The following CIDEA variants were observed in gnomAD, a reference collection of about 807,000 sequenced individuals.
The protein encoded by CIDEA is cell death inducing DFFA like effector a.
In CIDEA, 10 loss-of-function variants were observed where a neutral mutation model predicts 18.2. That is an observed-to-expected ratio of 0.55 (90% confidence interval 0.34 to 0.93). CIDEA has a LOEUF of 0.93. Ranked by LOEUF, CIDEA falls within the 40% of genes least tolerant of loss-of-function variation. CIDEA has a pLI of 0.02. For missense variants in CIDEA, 309 were observed against 293.1 expected, an observed-to-expected ratio of 1.05 and a Z score of -0.40; for synonymous variants, 128 against 124.8, an observed-to-expected ratio of 1.03 and a Z score of -0.17.
chr18:12,256,548 C>G (rs1450931133), intron 1 of CIDEA, among the ~76,000 whole-genome samples: 2 of 152,234 alleles, frequency 1.3e-5, no homozygotes, highest in Admixed American at 6.5e-5. Context: ...CAGACAAAGT[C>G]TGCTCTGTTC....
chr18:12,274,118 C>T lies in CIDEA; in HGVS notation c.356C>T (p.Ser119Leu), dbSNP rs1278609663. The change falls in exon 4 of 5, where the codon TCG becomes TTG. Residue 119 changes from serine (S) to leucine (L), a missense_variant. By Grantham distance (145) the Ser-to-Leu change is moderately radical. Coordinates refer to ENST00000320477, the MANE Select transcript of CIDEA (RefSeq NM_001279.4). ...MPGSQHVPTCSPPKRSGIARV... is the reference protein window; with the variant it reads ...MPGSQHVPTCLPPKRSGIARV... ...GGCAGCCAGCACGTCCCCACTTGCT[C>T]GCCGCCGAAGAGGTCGGGAATAGCG... 5 of 1,614,064 alleles carry T rather than the reference C, an allele frequency of 3.1e-6. No homozygotes were observed. Among genetic ancestry groups the T allele is most frequent in the African/African-American group, 2.7e-5 (2 of 74,926 alleles).
At chr18:12,268,071 T>C (rs1464163150) in intron 3 of CIDEA, among the ~76,000 whole-genome samples, 1 of 152,042 alleles carries the variant, frequency 6.6e-6, no homozygotes, top group Non-Finnish European at 1.5e-5. Context: ...TTTGTTTGTT[T>C]GCTTGTTTTT....
Position 12,266,481 on chromosome 18 carries a change from A to G in CIDEA, c.330+2028A>G, listed in dbSNP as rs1177257508. Among the ~76,000 whole-genome samples, 3 of 152,172 alleles carry G rather than the reference A, an allele frequency of 2.0e-5. No individual in the cohort carries two copies. In the South Asian group the frequency reaches 6.2e-4, roughly 32 times the overall value. On this transcript the variant is annotated intron_variant, in intron 3 of 4. Coordinates refer to ENST00000320477, the MANE Select transcript of CIDEA (RefSeq NM_001279.4). ...AAAAATAAAAATACATTAAAAAGGA[A>G]CAAGAGCTAATAAGAACTGACTATA...
intron 3 of CIDEA, among the ~76,000 whole-genome samples, chr18:12,265,333 A>G (rs1301972541): frequency 1.3e-5 from 2 of 152,284 alleles, no homozygotes; most frequent in Non-Finnish European, 2.9e-5. Context: ...TGTTGAGGCC[A>G]GCATCCAGAG....
chr18:12,254,940 C>A, intron 1 of CIDEA: 1 of 1,225,662 alleles, frequency 8.2e-7, no homozygotes, highest in Non-Finnish European at 1.0e-6. Flanking sequence ...CCCCAACCGT[C>A]CGGCGGAGCC....
At chr18:12,268,423 G>T (rs1912421180) in intron 3 of CIDEA, among the ~76,000 whole-genome samples, 1 of 145,852 alleles carries the variant, frequency 6.9e-6, no homozygotes, top group African/African-American at 2.6e-5. Context: ...TTTGGAGACA[G>T]TCTTGCTCTG....
At chr18:12,271,726 C>T (rs543554143) in intron 3 of CIDEA, among the ~76,000 whole-genome samples, 48 of 152,294 alleles carry the variant, frequency 3.2e-4, no homozygotes, top group South Asian at 6.2e-4. Context: ...GCCCCCGTTT[C>T]GGCTGCGCAA....
chr18:12,277,212 A>C lies in CIDEA; in HGVS notation c.602A>C (p.Asp201Ala), dbSNP rs547332400. ...ACATACATGCTCCGGGTGCTGGATG[A>C]CAAGGAAGAGCGGCCATCCCTCCGG... Reference protein sequence around the residue: ...LGTYMLRVLDDKEERPSLRSQ... With the variant: ...LGTYMLRVLDAKEERPSLRSQ... The change falls in exon 5 of 5, where the codon GAC becomes GCC. Residue 201 changes from aspartate to alanine, a missense_variant. By Grantham distance (126) the Asp-to-Ala change is moderately radical. Transcript: ENST00000320477. 3.7e-6 allele frequency: 6 copies of C among 1,614,178 alleles called. No homozygotes were observed. In the African/African-American group the frequency reaches 8.0e-5, roughly 22 times the overall value.
chr18:12,267,728 C>G (rs970844461), intron 3 of CIDEA, among the ~76,000 whole-genome samples: 1 of 152,138 alleles, frequency 6.6e-6, no homozygotes, highest in Non-Finnish European at 1.5e-5. Context: ...CTTCTGACCT[C>G]AAGTGATCCA....
chr18:12,271,873 C>T (rs1912543845), intron 3 of CIDEA, among the ~76,000 whole-genome samples: 1 of 152,168 alleles, frequency 6.6e-6, no homozygotes, highest in African/African-American at 2.4e-5. Context: ...GAGCGCGGCC[C>T]CGCAGCCCCC....
At chr18:12,272,154 G>T (rs1403141044) in intron 3 of CIDEA, among the ~76,000 whole-genome samples, 3 of 14,316 alleles carry the variant, frequency 2.1e-4, no homozygotes, top group Non-Finnish European at 1.1e-3. Flanking sequence ...GTGTGTGGGG[G>T]GGGGGGGTTG....
intron 1 of CIDEA, chr18:12,254,772 G>C (rs1417608586): frequency 3.6e-6 from 5 of 1,381,348 alleles, no homozygotes; most frequent in Non-Finnish European, 3.8e-6. Context: ...AGTCGCGGGC[G>C]CAGAAGAGGG....
Position 12,274,201 on chromosome 18 carries a change from G to A in CIDEA, c.439G>A (p.Val147Met), listed in dbSNP as rs115661000. 7.8e-4 allele frequency: 1,266 copies of A among 1,614,198 alleles called. 2 individuals carry two copies. The highest frequency in any genetic ancestry group is 9.7e-4 in the Non-Finnish European group (1,149 of 1,180,040). The change falls in exon 4 of 5, where the codon GTG becomes ATG. Residue 147 changes from valine (V) to methionine (M), a missense_variant. By Grantham distance (21) the Val-to-Met change is conservative (BLOSUM62 1). Transcript: ENST00000320477. The stretch of plus-strand genomic sequence containing the variant: ...CAAGGACTTCATCGGCTGCCTTAAC[G>A]TGAAGGCCACCATGTATGAGATGTA... ...NPKDFIGCLN[V>M]KATMYEMYSV...
intron 1 of CIDEA, among the ~76,000 whole-genome samples, chr18:12,262,403 T>G (rs4796955): frequency 0.37 from 55,826 of 152,040 alleles, 12,219 homozygotes; most frequent in East Asian, 0.62. Context: ...CCTTATTGTG[T>G]AAACATGTAG....
At chr18:12,259,164 G>T (rs1293542073) in intron 1 of CIDEA, among the ~76,000 whole-genome samples, 2 of 152,218 alleles carry the variant, frequency 1.3e-5, no homozygotes, top group Admixed American at 6.5e-5. Context: ...GCAAACGTGT[G>T]CGGGTCATTC....
chr18:12,262,454 C>A (rs771138900), intron 1 of CIDEA, among the ~76,000 whole-genome samples: 1 of 152,192 alleles, frequency 6.6e-6, no homozygotes. Context: ...TCTAACTCTG[C>A]GTAACTACTT....
intron 1 of CIDEA, 171 bp downstream of exon 1, chr18:12,254,592 T>G (rs1398554805): frequency 1.1e-5 from 8 of 746,908 alleles, no homozygotes; most frequent in Non-Finnish European, 1.6e-5. Flanking sequence ...GCCCCACTGG[T>G]GCCCAAGCCG....
chr18:12,268,617 G>A (rs1011197512), intron 3 of CIDEA, among the ~76,000 whole-genome samples: 2 of 151,848 alleles, frequency 1.3e-5, no homozygotes, highest in Non-Finnish European at 2.9e-5. Flanking sequence ...TCAAACTCCT[G>A]GTTTCAAGCT....
chr18:12,277,234 C>CTT lies in CIDEA; in HGVS notation c.624_625insTT (p.Arg209PhefsTer35). On this transcript the variant is annotated frameshift_variant, in exon 5 of 5. Coordinates refer to ENST00000320477, the MANE Select transcript of CIDEA (RefSeq NM_001279.4). LOFTEE classifies it low-confidence loss of function (END_TRUNC). The stretch of plus-strand genomic sequence containing the variant: ...ATGACAAGGAAGAGCGGCCATCCCT[C>CTT]CGGTCACAAGCCAAGGGCAGGTTCA... 2 of 1,614,150 alleles carry CTT rather than the reference C, an allele frequency of 1.2e-6. No individual in the cohort carries two copies. The highest frequency in any genetic ancestry group is 1.7e-6 in the Non-Finnish European group (2 of 1,180,018).
Sources: gnomAD v4.1 joint callset for allele counts (sites outside exome capture counted in the v4.1 genomes callset) on GRCh38, gnomAD v4.1.1 for gene constraint, MANE v1.5 for transcripts, NCBI Gene and HGNC (gene_info 2026-07-23, HGNC 2026-07-21) for gene names.